Variants in PCNX2 observed in about 807,000 individuals in gnomAD.
The protein encoded by PCNX2 is pecanex-like protein 2.
A neutral mutation model predicts 223.8 loss-of-function variants in PCNX2; 168 were observed. That is an observed-to-expected ratio of 0.75 (90% CI 0.66 to 0.85). PCNX2 has a LOEUF of 0.85. Ranked by LOEUF, PCNX2 falls within the 40% of genes least tolerant of loss-of-function variation. The pLI, the probability that PCNX2 is intolerant of heterozygous loss-of-function variation, is 0.00. For missense variants in PCNX2, 2,507 were observed against 2,675.5 expected (o/e 0.94, Z 1.39); for synonymous variants, 1,006 against 1,052.6 (o/e 0.96, Z 0.86).
At chr1:233,289,402 G>A in intron 1 of PCNX2, 3 of 1,412,944 alleles carry the variant, frequency 2.1e-6, no homozygotes, top group Non-Finnish European at 3.0e-6. Flanking sequence ...AACTCGTCCG[G>A]CTTCTCGCCA....
chr1:233,322,196 T>C, the PCNX2 span, among the ~76,000 whole-genome samples: 1 of 152,174 alleles, frequency 6.6e-6, no homozygotes, highest in East Asian at 1.9e-4. Context: ...TTTCCTTTTC[T>C]CATTCTTGCC....
chr1:233,308,007 T>C, the PCNX2 span, among the ~76,000 whole-genome samples: 1 of 152,180 alleles, frequency 6.6e-6, no homozygotes, highest in Admixed American at 6.5e-5. Context: ...AACCAAGTTA[T>C]GAATTGAGAA....
At chr1:233,068,701 G>A (rs111271624) in intron 23 of PCNX2, among the ~76,000 whole-genome samples, 1,715 of 151,764 alleles carry the variant, frequency 0.011, 30 homozygotes, top group African/African-American at 0.039. Context: ...AACACTAAAA[G>A]ATACACTCAA....
intron 15 of PCNX2, among the ~76,000 whole-genome samples, chr1:233,198,655 A>T (rs151184128): frequency 6.6e-6 from 1 of 152,278 alleles, no homozygotes; most frequent in East Asian, 1.9e-4. Flanking sequence ...ATTGACCAAC[A>T]TGTTAAGCAG....
chr1:233,133,691 AC>A (rs1404878319), intron 21 of PCNX2, among the ~76,000 whole-genome samples: 2 of 152,150 alleles, frequency 1.3e-5, no homozygotes, highest in Non-Finnish European at 2.9e-5. Flanking sequence ...CCCTATCTTT[AC>A]AAAAAGTTTT....
intron 25 of PCNX2, among the ~76,000 whole-genome samples, chr1:233,025,795 A>T (rs1055868159): frequency 1.3e-5 from 2 of 152,202 alleles, no homozygotes; most frequent in African/African-American, 4.8e-5. Flanking sequence ...CTCATCTGTA[A>T]AACAGGCTAT....
At chr1:233,031,582 GA>G (rs1463162274) in intron 25 of PCNX2, among the ~76,000 whole-genome samples, 1 of 152,178 alleles carries the variant, frequency 6.6e-6, no homozygotes, top group Non-Finnish European at 1.5e-5. Context: ...GCCAGAGATT[GA>G]AAACTACAAC....
At chr1:233,004,877 G>A (rs1670225706) in intron 28 of PCNX2, among the ~76,000 whole-genome samples, 1 of 152,184 alleles carries the variant, frequency 6.6e-6, no homozygotes, top group African/African-American at 2.4e-5. Context: ...GTCAGGTGGG[G>A]TTCGGGGTGC....
intron 21 of PCNX2, among the ~76,000 whole-genome samples, chr1:233,105,228 A>T (rs2102966087): frequency 6.6e-6 from 1 of 152,340 alleles, no homozygotes; most frequent in East Asian, 1.9e-4. Context: ...AATCTGGTCC[A>T]CTTCATAATG....
At chr1:233,194,812 T>G (rs1302059157) in intron 15 of PCNX2, among the ~76,000 whole-genome samples, 1 of 151,902 alleles carries the variant, frequency 6.6e-6, no homozygotes, top group Non-Finnish European at 1.5e-5. Context: ...GTCAGGAGAT[T>G]GAGATCATCC....
At chr1:233,268,083 T>C (rs1316999750) in intron 1 of PCNX2, among the ~76,000 whole-genome samples, 1 of 152,132 alleles carries the variant, frequency 6.6e-6, no homozygotes, top group African/African-American at 2.4e-5. Context: ...AGCTAATTTT[T>C]GTATTTTTAG....
At chr1:233,023,525 A>C (rs1398997452) in intron 26 of PCNX2, among the ~76,000 whole-genome samples, 1 of 152,180 alleles carries the variant, frequency 6.6e-6, no homozygotes, top group African/African-American at 2.4e-5. Context: ...CTACCATACC[A>C]ACCATCATCA....
intron 4 of PCNX2, 72 bp downstream of exon 4, chr1:233,261,213 C>T: frequency 7.3e-7 from 1 of 1,361,154 alleles, no homozygotes; most frequent in South Asian, 1.2e-5. Context: ...CACTGGCATT[C>T]TGTTTTATAA....
chr1:233,054,407 G>A lies in PCNX2; in HGVS notation c.4212C>T (p.Asp1404=). ...TRTLQESLCG[D]LVLGRWGNYS... is the part of the protein sequence containing the mutation. ...AGTTGCCCCAACGTCCAAGAACTAA[G>A]TCTCCACAGAGGGACTCCTGGAGGG... Residue 1404 remains aspartate (D), a synonymous_variant, in exon 25 of 34, where the codon GAC becomes GAT. Coordinates refer to ENST00000258229, the MANE Select transcript of PCNX2 (RefSeq NM_014801.4). 1 of 1,613,836 alleles carries A rather than the reference G, an allele frequency of 6.2e-7. No homozygotes were observed. The highest frequency in any genetic ancestry group is 8.5e-7 in the Non-Finnish European group (1 of 1,179,804).
intron 21 of PCNX2, among the ~76,000 whole-genome samples, chr1:233,132,313 G>A (rs1398099361): frequency 2.0e-5 from 3 of 152,066 alleles, no homozygotes; most frequent in Non-Finnish European, 4.4e-5. Flanking sequence ...ACAGGATGTC[G>A]CTGAGTGTCT....
At chr1:233,222,336 G>C (rs1213874288) in intron 10 of PCNX2, among the ~76,000 whole-genome samples, 7 of 152,116 alleles carry the variant, frequency 4.6e-5, no homozygotes, top group Admixed American at 4.6e-4. Context: ...GAGTGAAATG[G>C]GGAGCCATTG....
At chr1:233,180,453 C>T (rs1026615885) in intron 15 of PCNX2, among the ~76,000 whole-genome samples, 8 of 152,268 alleles carry the variant, frequency 5.3e-5, no homozygotes, top group African/African-American at 1.9e-4. Context: ...CAATCACCAT[C>T]AGCAGAATCA....
At chr1:233,059,103 C>T (rs1332574570) in intron 23 of PCNX2, among the ~76,000 whole-genome samples, 1 of 152,192 alleles carries the variant, frequency 6.6e-6, no homozygotes, top group African/African-American at 2.4e-5. Context: ...AATGTTCCCT[C>T]TACTTAGGGA....
intron 22 of PCNX2, among the ~76,000 whole-genome samples, chr1:233,092,505 G>A (rs1438746150): frequency 6.6e-6 from 1 of 152,320 alleles, no homozygotes. Flanking sequence ...CAATGTGGTA[G>A]GAAAGGAAAT....
Sources: allele counts gnomAD v4.1 joint callset (sites outside exome capture counted in the v4.1 genomes callset), GRCh38; gene constraint gnomAD v4.1.1; transcripts MANE v1.5; gene names NCBI Gene and HGNC (gene_info 2026-07-23, HGNC 2026-07-21).